Variants in FBXL18 observed in about 807,000 individuals in gnomAD.
The protein encoded by FBXL18 is F-box and leucine rich repeat protein 18.
In FBXL18, 36 loss-of-function variants were observed where a neutral mutation model predicts 46.0. The observed-to-expected ratio is 0.78, with a 90% CI of 0.60 to 1.03. The LOEUF (loss-of-function observed/expected upper bound fraction) is 1.03, where lower values mean the gene tolerates loss of function less well. Among genes scored for constraint, FBXL18 ranks in the 50% least tolerant of loss-of-function variants. FBXL18 has a pLI of 0.00. For missense variants in FBXL18, 977 were observed against 1,004.1 expected (o/e 0.97, Z 0.36); for synonymous variants, 557 against 465.3 (o/e 1.20, Z -2.54).
At position 5,491,564 on chromosome 7, in the gene FBXL18, GT is replaced by G. The variant is rs563459283; in HGVS notation, c.1782-116del. 1,220 of 849,170 alleles carry G rather than the reference GT, an allele frequency of 1.4e-3. 9 individuals carry two copies. The African/African-American group carries it at 0.019, about 13-fold the overall frequency. 52.6% of individuals were successfully genotyped at this position (849,170 alleles called of 1,614,324 possible). A position where few individuals can be genotyped will look rare whatever the true frequency, so the allele number is the denominator to read the frequency against. On this transcript the variant is annotated intron_variant, in intron 3 of 4. Coordinates refer to ENST00000382368, the MANE Select transcript of FBXL18 (RefSeq NM_024963.6). ...TCCTGGCCTGGGGCCCAGCCCAGCTGTTCCCGCCACCTCCCACCAATACCAC... is the reference window on the plus strand; with the variant it reads ...TCCTGGCCTGGGGCCCAGCCCAGCTGTCCCGCCACCTCCCACCAATACCAC...
Position 5,500,969 on chromosome 7 carries a change from G to A in FBXL18, c.1300C>T (p.Arg434Cys), listed in dbSNP as rs768324218. The A allele has an allele frequency of 3.9e-6, 6 of 1,537,168 alleles. No homozygotes were observed. Among genetic ancestry groups the A allele is most frequent in the Admixed American group, 4.3e-5 (2 of 46,186 alleles). ...TGCATGGCCGGCTGGGCGGGCGCGC[G>A]GTCGGCGCGCGGCGCGGAGTCAGCG... ...SVADSAPRADRAPAQPAMHAV... is the reference protein window; with the variant it reads ...SVADSAPRADCAPAQPAMHAV... The change falls in exon 3 of 5, where the codon CGC (arginine) becomes TGC (cysteine). Residue 434 changes from arginine (R) to cysteine (C), a missense_variant. Physicochemically the swap from Arg to Cys is radical, Grantham distance 180 (BLOSUM62 -3). Coordinates refer to ENST00000382368, the MANE Select transcript of FBXL18 (RefSeq NM_024963.6).
chr7:5,464,450 A>AGTGGC (rs1300767614), intron 4 of FBXL18, among the ~76,000 whole-genome samples: 1 of 152,046 alleles, frequency 6.6e-6, no homozygotes, highest in Admixed American at 6.6e-5. Flanking sequence ...ACTGGACTCC[A>AGTGGC]GCCCAGGAGA....
intron 4 of FBXL18, among the ~76,000 whole-genome samples, chr7:5,468,113 G>A (rs1310545527): frequency 1.3e-5 from 2 of 151,928 alleles, no homozygotes; most frequent in Non-Finnish European, 2.9e-5. Flanking sequence ...CTCCCGAGTA[G>A]CTGGGACTAC....
Position 5,455,591 on chromosome 7 carries a change from T to C in FBXL18, c.2001-7748A>G, listed in dbSNP as rs1314758117. 6.6e-6 allele frequency among the ~76,000 whole-genome samples: 1 copy of C among 151,996 alleles called. No individual in the cohort carries two copies. Among genetic ancestry groups the C allele is most frequent in the Non-Finnish European group, 1.5e-5 (1 of 67,990 alleles). Reference sequence around the variant, plus strand: ...GGTGGGAATGGGCTCCTATTATGGGTTTGCATTCCCATGGCGCCAAGTCGG... The same window carrying C: ...GGTGGGAATGGGCTCCTATTATGGGCTTGCATTCCCATGGCGCCAAGTCGG... On this transcript the variant is annotated intron_variant and NMD_transcript_variant, in intron 4 of 6. Coordinates refer to the FBXL18 transcript ENST00000415009. This position sits in a 1 kb window ranked among gnomAD's most constrained non-coding sequence, Gnocchi z 4.6.
intron 1 of FBXL18, among the ~76,000 whole-genome samples, chr7:5,511,470 G>C (rs930355988): frequency 1.3e-5 from 2 of 152,128 alleles, no homozygotes; most frequent in African/African-American, 4.8e-5. Flanking sequence ...TGCGGACGTA[G>C]TGGCACGCGC....
At chr7:5,466,020 G>A (rs1456550574) in intron 4 of FBXL18, among the ~76,000 whole-genome samples, 1 of 152,010 alleles carries the variant, frequency 6.6e-6, no homozygotes, top group African/African-American at 2.4e-5. Context: ...GTTTCACCAT[G>A]TTGGGCAGGC....
chr7:5,500,855 A>G lies in FBXL18; in HGVS notation c.1414T>C (p.Ser472Pro), dbSNP rs2128237427. 3 of 1,607,520 alleles carry G rather than the reference A, an allele frequency of 1.9e-6. No homozygotes were observed. In the East Asian group the frequency reaches 6.7e-5, roughly 36 times the overall value. Residue 472 changes from serine to proline, a missense_variant, in exon 3 of 5, where the codon TCC (serine) becomes CCC (proline). Ser to Pro is a moderately conservative substitution (Grantham distance 74, BLOSUM62 -1). Coordinates refer to ENST00000382368, the MANE Select transcript of FBXL18 (RefSeq NM_024963.6). Reference protein sequence around the residue: ...PFSGQACPQPSSVFWSLLKNL... With the variant: ...PFSGQACPQPPSVFWSLLKNL... The stretch of plus-strand genomic sequence containing the variant: ...TTCAGCAGAGACCAGAACACGGAGG[A>G]GGGCTGGGGGCACGCCTGGCCCGAG...
chr7:5,476,863 A>G lies in FBXL18; in HGVS notation c.*4912T>C, dbSNP rs1783527600. The G allele has an allele frequency of 6.6e-6, 1 of 150,478 alleles. No individual in the cohort carries two copies. 9.3% of individuals were successfully genotyped at this position (150,478 alleles called of 1,614,324 possible). ...AGTGTCTGTGGGGTTTGTGTTCATC[A>G]TGCCCAGTAGATCTAGAAACTTCTT... On this transcript the variant is annotated 3_prime_UTR_variant, in exon 5 of 5. Transcript: ENST00000382368.
chr7:5,486,184 G>C (rs1432114983), intron 4 of FBXL18, among the ~76,000 whole-genome samples: 1 of 149,670 alleles, frequency 6.7e-6, no homozygotes, highest in Non-Finnish European at 1.5e-5. Flanking sequence ...CTGGAAGGCA[G>C]AGGTTGCAGT....
chr7:5,511,800 C>A (rs1784541231), intron 1 of FBXL18, among the ~76,000 whole-genome samples: 1 of 150,702 alleles, frequency 6.6e-6, no homozygotes, highest in Non-Finnish European at 1.5e-5. Flanking sequence ...AATCTTATTA[C>A]CTGCCAAAAA....
In FBXL18 at chr7:5,477,510, C is replaced by T. The variant is rs1361492674; in HGVS notation, c.*4265G>A. ...TTGAGGTCAGGAGTTCAAGGCCAGC[C>T]TGACCAACATGGTGCAACCCCATCT... On this transcript the variant is annotated 3_prime_UTR_variant, in exon 5 of 5. Coordinates refer to ENST00000382368, the MANE Select transcript of FBXL18 (RefSeq NM_024963.6). This position sits in a 1 kb window ranked among gnomAD's most constrained non-coding sequence, Gnocchi z 4.4. Among the ~76,000 whole-genome samples, 2 of 152,140 alleles carry T rather than the reference C, an allele frequency of 1.3e-5. No homozygotes were observed. Among genetic ancestry groups the T allele is most frequent in the Admixed American group, 1.3e-4 (2 of 15,256 alleles).
chr7:5,482,063 T>C (rs1402802276), intron 4 of FBXL18, 132 bp from the exon 5 acceptor site: 1 of 1,087,512 alleles, frequency 9.2e-7, no homozygotes, highest in African/African-American at 1.6e-5. Context: ...AGACAGACCA[T>C]GCCTGCCAGA....
chr7:5,487,047 C>A (rs1334575455), intron 4 of FBXL18, among the ~76,000 whole-genome samples: 1 of 152,258 alleles, frequency 6.6e-6, no homozygotes, highest in South Asian at 2.1e-4. Flanking sequence ...GCGGCCGGTT[C>A]CCGGGAGCCC....
chr7:5,489,823 G>C (rs755854048), intron 4 of FBXL18: 5 of 369,932 alleles, frequency 1.4e-5, no homozygotes, highest in Non-Finnish European at 2.2e-5. Context: ...AGGTATAGTG[G>C]TGCACACTTG....
chr7:5,502,360 C>A (rs1784289203), intron 2 of FBXL18, among the ~76,000 whole-genome samples: 1 of 151,918 alleles, frequency 6.6e-6, no homozygotes, highest in Non-Finnish European at 1.5e-5. Flanking sequence ...CATGGTGAAG[C>A]CCGATCTCAA....
rs1302172267 is a variant in FBXL18, at chr7:5,478,319, T to A, written c.*3456A>T. 6.6e-6 allele frequency: 1 copy of A among 152,092 alleles called. No individual in the cohort carries two copies. The highest frequency in any genetic ancestry group is 1.5e-5 in the Non-Finnish European group (1 of 68,036). The allele number at this position is 152,092 out of a possible 1,614,324, so 9.4% of individuals were successfully genotyped here. A position where few individuals can be genotyped will look rare whatever the true frequency, so the allele number is the denominator to read the frequency against. On this transcript the variant is annotated 3_prime_UTR_variant, in exon 5 of 5. Transcript: ENST00000382368. Reference sequence around the variant, plus strand: ...CAGCCCCCCTGGGCTGGACGGGCCGTTGAAAACAAGAAAAGCCTTCCATAG... The same window carrying A: ...CAGCCCCCCTGGGCTGGACGGGCCGATGAAAACAAGAAAAGCCTTCCATAG...
At chr7:5,473,330 C>T (rs1783458397), downstream of FBXL18, among the ~76,000 whole-genome samples, 1 of 152,170 alleles carries the variant, frequency 6.6e-6, no homozygotes, top group African/African-American at 2.4e-5. Flanking sequence ...AGCCCACCCT[C>T]TGCCGGCAGC....
Position 5,491,223 on chromosome 7 carries a change from T to TC in FBXL18, c.2000+7dup. The TC allele has an allele frequency of 6.2e-7, 1 of 1,606,660 alleles. No individual in the cohort carries two copies. Reference sequence around the variant, plus strand: ...CCCCTGAAGCTGTACGCAACCCACATCACTCACCTGCGGAGAAGCGACTGC... The same window carrying TC: ...CCCCTGAAGCTGTACGCAACCCACATCCACTCACCTGCGGAGAAGCGACTGC... On this transcript the variant is annotated splice_region_variant and intron_variant, in intron 4 of 4. Coordinates refer to ENST00000382368, the MANE Select transcript of FBXL18 (RefSeq NM_024963.6).
intron 4 of FBXL18, among the ~76,000 whole-genome samples, chr7:5,456,462 G>A (rs912735877): frequency 6.6e-6 from 1 of 152,194 alleles, no homozygotes; most frequent in African/African-American, 2.4e-5. Context: ...TGGGAAGTGG[G>A]GACAGGCGAG....
Sources: allele counts gnomAD v4.1 joint callset (sites outside exome capture counted in the v4.1 genomes callset), GRCh38; gene constraint gnomAD v4.1.1; non-coding constraint Gnocchi (gnomAD v3.1); transcripts MANE v1.5; gene names NCBI Gene and HGNC (gene_info 2026-07-23, HGNC 2026-07-21).